Variants in TBC1D32 observed in about 807,000 individuals in gnomAD.
The protein encoded by TBC1D32 is protein broad-minded.
TBC1D32 carries 151 observed loss-of-function variants against 170.3 expected under a neutral mutation model. The observed-to-expected ratio is 0.89, with a 90% CI of 0.78 to 1.01. The LOEUF is 1.01. Among genes scored for constraint, TBC1D32 ranks in the 50% least tolerant of loss-of-function variants. TBC1D32 has a pLI of 0.00. For synonymous variants in TBC1D32, 498 were observed against 488.0 expected (o/e 1.02, Z -0.27); for missense variants, 1,464 against 1,457.1 (o/e 1.00, Z -0.08).
intron 24 of TBC1D32, among the ~76,000 whole-genome samples, chr6:121,134,955 CAA>C (rs1414000983): frequency 6.9e-6 from 1 of 144,172 alleles, no homozygotes; most frequent in African/African-American, 2.8e-5. Flanking sequence ...CAGACAGAGA[CAA>C]AGGCCCCCCT....
Position 121,303,668 on chromosome 6 carries a change from G to T in TBC1D32, c.1029C>A (p.Ile343=), listed in dbSNP as rs773428075. The T allele has an allele frequency of 1.3e-6, 2 of 1,598,206 alleles. No individual in the cohort carries two copies. The highest frequency in any genetic ancestry group is 1.7e-6 in the Non-Finnish European group (2 of 1,169,468). Residue 343 remains isoleucine, a synonymous_variant, in exon 9 of 32, where the codon ATC becomes ATA. Transcript: ENST00000398212. ...HVVSQKILDP[I]YFFALVDTKA... ...TGGTATCAACTAATGCAAAAAAGTA[G>T]ATCGGATCCAAAATCTTTTGTGAGA...
intron 12 of TBC1D32, among the ~76,000 whole-genome samples, chr6:121,288,219 T>C (rs1804205325): frequency 6.6e-6 from 1 of 152,054 alleles, no homozygotes; most frequent in South Asian, 2.1e-4. Context: ...CAGGAGCTGG[T>C]TTTTTGAAAA....
intron 12 of TBC1D32, among the ~76,000 whole-genome samples, chr6:121,286,817 T>C (rs1803922313): frequency 6.6e-6 from 1 of 152,216 alleles, no homozygotes; most frequent in Admixed American, 6.5e-5. Flanking sequence ...GCAGAAACTC[T>C]ACAAGCCAGA....
At chr6:121,173,453 A>T (rs914509965) in intron 22 of TBC1D32, among the ~76,000 whole-genome samples, 4 of 152,070 alleles carry the variant, frequency 2.6e-5, no homozygotes, top group Non-Finnish European at 5.9e-5. Flanking sequence ...ATATGAAAAT[A>T]AAAGCAAAAT....
At chr6:121,232,204 T>C (rs946855226) in intron 20 of TBC1D32, among the ~76,000 whole-genome samples, 1 of 152,140 alleles carries the variant, frequency 6.6e-6, no homozygotes, top group East Asian at 1.9e-4. Context: ...TTTATGTTTT[T>C]GTTTACTTTG....
At chr6:121,299,307 G>C in intron 10 of TBC1D32, 139 bp downstream of exon 10, 1 of 890,396 alleles carries the variant, frequency 1.1e-6, no homozygotes, top group Non-Finnish European at 1.6e-6. Flanking sequence ...CAGGATGGTA[G>C]TTTAAGATCA....
At chr6:121,238,892 T>C (rs1796624887) in intron 20 of TBC1D32, among the ~76,000 whole-genome samples, 178 bp downstream of exon 20, 1 of 152,124 alleles carries the variant, frequency 6.6e-6, no homozygotes, top group Admixed American at 6.6e-5. Flanking sequence ...CACTGGGATT[T>C]CTATCATTTG....
Position 121,279,102 on chromosome 6 carries a change from G to A in TBC1D32, c.1733+19C>T. 1.9e-6 allele frequency: 3 copies of A among 1,576,828 alleles called. No homozygotes were observed. The highest frequency in any genetic ancestry group is 2.6e-6 in the Non-Finnish European group (3 of 1,169,764). On this transcript the variant is annotated intron_variant, in intron 15 of 31. Coordinates refer to ENST00000398212, the MANE Select transcript of TBC1D32 (RefSeq NM_152730.6). Reference sequence around the variant, plus strand: ...AAACTATACCTGGAATAATTATCCGGATTTAAAATAGCACATACCTTTCTT... The same window carrying A: ...AAACTATACCTGGAATAATTATCCGAATTTAAAATAGCACATACCTTTCTT...
At chr6:121,322,960 C>G (rs1008557565) in intron 1 of TBC1D32, among the ~76,000 whole-genome samples, 2 of 151,966 alleles carry the variant, frequency 1.3e-5, no homozygotes, top group Admixed American at 6.6e-5. Flanking sequence ...TCTTATCCTT[C>G]CTATAATTCG....
At chr6:121,192,082 A>ATC (rs372692461) in intron 22 of TBC1D32, among the ~76,000 whole-genome samples, 4 of 133,694 alleles carry the variant, frequency 3.0e-5, no homozygotes, top group African/African-American at 5.1e-5. Flanking sequence ...ATATATATAT[A>ATC]TCCTATTAGT....
chr6:121,144,059 T>C (rs1286172570), intron 24 of TBC1D32, among the ~76,000 whole-genome samples: 1 of 152,148 alleles, frequency 6.6e-6, no homozygotes, highest in African/African-American at 2.4e-5. Context: ...AATATCAGGA[T>C]CACTCTTATT....
intron 20 of TBC1D32, among the ~76,000 whole-genome samples, chr6:121,230,287 A>C (rs142679085): frequency 2.0e-5 from 3 of 152,284 alleles, no homozygotes; most frequent in African/African-American, 7.2e-5. Flanking sequence ...TGACTAATTA[A>C]ACATACGGAT....
chr6:121,106,442 T>C (rs1451003479), intron 29 of TBC1D32, among the ~76,000 whole-genome samples: 1 of 151,984 alleles, frequency 6.6e-6, no homozygotes, highest in Non-Finnish European at 1.5e-5. Flanking sequence ...ACTTAAATCC[T>C]TGTGGAAAGA....
At chr6:121,093,775 T>C (rs528053769) in intron 30 of TBC1D32, among the ~76,000 whole-genome samples, 4 of 152,300 alleles carry the variant, frequency 2.6e-5, no homozygotes, top group East Asian at 1.9e-4. Flanking sequence ...ATAATACCTA[T>C]ATTTTTCCAT....
chr6:121,144,599 A>G (rs1024285444), intron 24 of TBC1D32, among the ~76,000 whole-genome samples: 7 of 152,170 alleles, frequency 4.6e-5, no homozygotes, highest in African/African-American at 1.7e-4. Context: ...GGGGAGTATT[A>G]AAAATTTATC....
intron 24 of TBC1D32, among the ~76,000 whole-genome samples, chr6:121,156,574 G>T (rs576175960): frequency 6.6e-6 from 1 of 151,260 alleles, no homozygotes; most frequent in South Asian, 2.1e-4. Context: ...AGTCAGGTGG[G>T]TTTTTTTTCC....
intron 17 of TBC1D32, among the ~76,000 whole-genome samples, chr6:121,249,464 A>G (rs909927023): frequency 2.0e-5 from 3 of 152,140 alleles, no homozygotes; most frequent in Middle Eastern, 3.4e-3. Context: ...AGTTCTAGCC[A>G]GAGCAATCAC....
chr6:121,152,438 C>T (rs1459260570), intron 24 of TBC1D32, among the ~76,000 whole-genome samples: 1 of 152,054 alleles, frequency 6.6e-6, no homozygotes, highest in Non-Finnish European at 1.5e-5. Flanking sequence ...AAATTTTTTC[C>T]TTTATTTCAA....
intron 22 of TBC1D32, among the ~76,000 whole-genome samples, chr6:121,204,737 A>G (rs146901227): frequency 9.2e-5 from 14 of 151,510 alleles, no homozygotes; most frequent in African/African-American, 3.4e-4. Flanking sequence ...GCCTCTTTTG[A>G]GGGTATATTG....
Sources: gnomAD v4.1 joint callset for allele counts (sites outside exome capture counted in the v4.1 genomes callset) on GRCh38, gnomAD v4.1.1 for gene constraint, MANE v1.5 for transcripts, NCBI Gene and HGNC (gene_info 2026-07-23, HGNC 2026-07-21) for gene names.